Variants in EDA observed in about 807,000 individuals in gnomAD.
EDA encodes the protein ectodysplasin A, also known as ectodysplasin-A.
In EDA, 2 loss-of-function variants were observed where a neutral mutation model predicts 23.6. The observed-to-expected ratio is 0.08, with a 90% CI of 0.03 to 0.27. The LOEUF (loss-of-function observed/expected upper bound fraction) is 0.27, where lower values mean the gene tolerates loss of function less well. Among genes scored for constraint, EDA ranks in the 10% least tolerant of loss-of-function variants. EDA has a pLI of 1.00. For missense variants in EDA, 229 were observed against 324.2 expected, an observed-to-expected ratio of 0.71 and a Z score of 2.26; for synonymous variants, 131 against 132.0, an observed-to-expected ratio of 0.99 and a Z score of 0.05.
chrX:69,977,091 C>G (rs1475218792), intron 2 of EDA, among the ~76,000 whole-genome samples: 1 of 111,645 alleles, frequency 9.0e-6, no homozygotes, highest in Non-Finnish European at 1.9e-5. Flanking sequence ...AAATCATATT[C>G]TATATTACCC....
At chrX:69,902,267 T>C (rs2018109817) in intron 1 of EDA, among the ~76,000 whole-genome samples, 1 of 111,881 alleles carries the variant, frequency 8.9e-6, no homozygotes, top group African/African-American at 3.3e-5. Context: ...TGGAGCATGG[T>C]CTGGCCAAAC....
intron 1 of EDA, among the ~76,000 whole-genome samples, chrX:69,761,126 GC>G (rs1273227018): frequency 3.6e-5 from 4 of 110,935 alleles, no homozygotes; most frequent in African/African-American, 1.3e-4. Flanking sequence ...ATGAAGAAAA[GC>G]TATAAGAGAG....
At chrX:69,956,936 A>G (rs1318564106) in intron 1 of EDA, 91 bp from the exon 2 acceptor site, 3 of 773,943 alleles carry the variant, frequency 3.9e-6, no homozygotes, top group Non-Finnish European at 4.0e-6. Flanking sequence ...AACTTAAGGT[A>G]CAGGTAGACT....
At chrX:69,776,043 G>A (rs2014771839) in intron 1 of EDA, among the ~76,000 whole-genome samples, 1 of 111,748 alleles carries the variant, frequency 8.9e-6, no homozygotes. Context: ...GCTCACAAGT[G>A]CATAAATTGT....
chrX:70,033,644 G>A, intron 7 of EDA, 116 bp downstream of exon 7: 2 of 929,354 alleles, frequency 2.2e-6, no homozygotes. Context: ...TCCTGCTTTG[G>A]GTGAGGGGGT....
intron 6 of EDA, 52 bp downstream of exon 6, chrX:70,030,572 TC>T: frequency 9.5e-7 from 1 of 1,050,254 alleles, no homozygotes; most frequent in Non-Finnish European, 1.3e-6. Flanking sequence ...CCCTGCCTCC[TC>T]CCCAGCCTCC....
At chrX:69,625,172 C>G (rs1399917184) in intron 1 of EDA, among the ~76,000 whole-genome samples, 1 of 111,030 alleles carries the variant, frequency 9.0e-6, no homozygotes, top group African/African-American at 3.3e-5. Flanking sequence ...GACAAGTGAA[C>G]AGGCACATAT....
At chrX:69,821,285 G>C (rs2016216273) in intron 1 of EDA, among the ~76,000 whole-genome samples, 2 of 109,120 alleles carry the variant, frequency 1.8e-5, no homozygotes, top group African/African-American at 6.7e-5. Context: ...AGAATAGCTA[G>C]TGGATTCTGG....
chrX:69,640,395 T>A (rs1210126471), intron 1 of EDA, among the ~76,000 whole-genome samples: 1 of 111,859 alleles, frequency 8.9e-6, no homozygotes, highest in Non-Finnish European at 1.9e-5. Flanking sequence ...ATGTTAGTTA[T>A]TTAACTTATT....
intron 1 of EDA, among the ~76,000 whole-genome samples, chrX:69,698,134 G>A (rs775988413): frequency 4.5e-5 from 5 of 111,803 alleles, no homozygotes; most frequent in African/African-American, 9.8e-5. Context: ...GATCCGTTGC[G>A]GAGGCCATTT....
At chrX:69,901,126 G>A (rs1176134486) in intron 1 of EDA, among the ~76,000 whole-genome samples, 2 of 111,678 alleles carry the variant, frequency 1.8e-5, no homozygotes, top group Non-Finnish European at 3.8e-5. Flanking sequence ...ACAGATCACA[G>A]GCAAACCCTC....
intron 1 of EDA, among the ~76,000 whole-genome samples, chrX:69,930,482 A>G (rs2018583900): frequency 9.0e-6 from 1 of 111,346 alleles, no homozygotes; most frequent in Non-Finnish European, 1.9e-5. Flanking sequence ...ATGATTTAAA[A>G]AAAAAAAGAA....
chrX:69,679,132 T>A (rs1934228838), intron 1 of EDA, among the ~76,000 whole-genome samples: 1 of 109,590 alleles, frequency 9.1e-6, no homozygotes, highest in Admixed American at 9.8e-5. Context: ...GTTTATTGAT[T>A]TGCGTATATT....
chrX:69,783,360 A>G (rs2015019333), intron 1 of EDA, among the ~76,000 whole-genome samples: 1 of 110,024 alleles, frequency 9.1e-6, no homozygotes, highest in South Asian at 4.0e-4. Flanking sequence ...ATATGTATAC[A>G]TGTGCCATGC....
rs764612285 is a variant in EDA at position 69,717,201 on chromosome X, G to A, written c.396+100497G>A. On this transcript the variant is annotated intron_variant, in intron 1 of 7. Coordinates refer to ENST00000374552, the MANE Select transcript of EDA (RefSeq NM_001399.5). ...CCATTCAATATGATGTTGTCTGTGG[G>A]TTTGTCATAAATGGCTTTTATTATT... 2.7e-5 allele frequency among the ~76,000 whole-genome samples: 3 copies of A among 110,793 alleles called. No individual in the cohort carries two copies. In the South Asian group the frequency reaches 1.2e-3, roughly 43 times the overall value.
intron 1 of EDA, among the ~76,000 whole-genome samples, chrX:69,956,109 G>A (rs2018996079): frequency 9.0e-6 from 1 of 111,268 alleles, no homozygotes; most frequent in South Asian, 3.8e-4. Context: ...AAATAATTGT[G>A]TACTTTGTCA....
At chrX:69,860,744 C>T (rs920481487) in intron 1 of EDA, 2 of 506,689 alleles carry the variant, frequency 3.9e-6, no homozygotes, top group East Asian at 7.3e-5. Context: ...TTGGGGTTCT[C>T]TGCATTTCCT....
Position 69,618,738 on chromosome X carries a change from T to C in EDA, c.396+2034T>C, listed in dbSNP as rs144683260. 7.9e-3 allele frequency among the ~76,000 whole-genome samples: 884 copies of C among 111,715 alleles called. 2 individuals are homozygous for C. Among genetic ancestry groups the C allele is most frequent in the Middle Eastern group, 0.028 (6 of 217 alleles). On this transcript the variant is annotated intron_variant, in intron 1 of 7. Transcript: ENST00000374552. ...AGGGCTCAGCTCTGCATCATTTTGT[T>C]CTACTCTGCCTGTATTTTGACCACA...
intron 1 of EDA, among the ~76,000 whole-genome samples, chrX:69,724,670 A>T (rs903987653): frequency 8.9e-6 from 1 of 112,047 alleles, no homozygotes; most frequent in East Asian, 2.8e-4. Flanking sequence ...TATTTTAGGT[A>T]TCTTTGTGGG....
Sources: allele counts gnomAD v4.1 joint callset (sites outside exome capture counted in the v4.1 genomes callset), GRCh38; gene constraint gnomAD v4.1.1; transcripts MANE v1.5; gene names NCBI Gene and HGNC (gene_info 2026-07-23, HGNC 2026-07-21).